PBX1: variants seen among roughly 807,000 people sequenced by gnomAD.
PBX1 encodes the protein pre-B-cell leukemia transcription factor 1.
Under a neutral mutation model 53.4 loss-of-function variants are expected in PBX1, and 6 were observed. The ratio of observed to expected loss-of-function variants is 0.11; its 90% CI spans 0.06 to 0.22. The LOEUF (loss-of-function observed/expected upper bound fraction) is 0.22, where lower values mean the gene tolerates loss of function less well. Ranked by LOEUF, PBX1 falls within the 10% of genes least tolerant of loss-of-function variation. The probability of loss-of-function intolerance (pLI) is 1.00; values close to 1 mark genes in which losing one functional copy is unlikely to be tolerated. For synonymous variants in PBX1, 204 were observed against 212.3 expected (o/e 0.96, Z 0.34); for missense variants, 251 against 551.4 (o/e 0.46, Z 5.46).
intron 2 of PBX1, among the ~76,000 whole-genome samples, chr1:164,736,543 T>C (rs1167270529): frequency 6.6e-6 from 1 of 152,034 alleles, no homozygotes; most frequent in Non-Finnish European, 1.5e-5. Context: ...CTCTGTTATT[T>C]GAATAAAGAA....
intron 5 of PBX1, among the ~76,000 whole-genome samples, chr1:164,808,403 T>C (rs2102338089): frequency 6.6e-6 from 1 of 152,346 alleles, no homozygotes; most frequent in Middle Eastern, 3.4e-3. Context: ...AACTTCTTAT[T>C]CAGTCTGAAC....
intron 2 of PBX1, among the ~76,000 whole-genome samples, chr1:164,723,478 G>A (rs573748858): frequency 1.3e-5 from 2 of 152,246 alleles, no homozygotes; most frequent in South Asian, 2.1e-4. Context: ...CAGGGGTGGC[G>A]GGCATATGAA....
Position 164,744,934 on chromosome 1 carries a change from C to T in PBX1, c.266-47560C>T, listed in dbSNP as rs1198389137. On this transcript the variant is annotated intron_variant, in intron 2 of 8. Coordinates refer to ENST00000420696, the MANE Select transcript of PBX1 (RefSeq NM_002585.4). ...AGGGATTGCGTCTTGGTTGATTGCC[C>T]GTCACCTGCCAGACTCTAAGCCATG... 8.5e-5 allele frequency among the ~76,000 whole-genome samples: 13 copies of T among 152,186 alleles called. 1 individual carries two copies. The South Asian group carries it at 1.9e-3, about 22-fold the overall frequency.
intron 2 of PBX1, among the ~76,000 whole-genome samples, chr1:164,776,935 G>GTGT (rs58061173): frequency 3.1e-5 from 3 of 98,312 alleles, no homozygotes; most frequent in Non-Finnish European, 4.4e-5. Context: ...GTGTGTGTGT[G>GTGT]GTGGGAGGAG....
At chr1:164,637,480 T>C (rs745605004) in intron 2 of PBX1, among the ~76,000 whole-genome samples, 16 of 152,198 alleles carry the variant, frequency 1.1e-4, no homozygotes, top group African/African-American at 3.9e-4. Flanking sequence ...ACTGGGATGC[T>C]AACTTCCTGT....
chr1:164,851,948 A>G (rs1213394083), downstream of PBX1: 1 of 154,126 alleles, frequency 6.5e-6, no homozygotes, highest in Non-Finnish European at 1.4e-5. Context: ...TGAAAAGTCT[A>G]CATACTATGG....
At chr1:164,701,518 T>C (rs1487225028) in intron 2 of PBX1, among the ~76,000 whole-genome samples, 1 of 152,242 alleles carries the variant, frequency 6.6e-6, no homozygotes, top group Non-Finnish European at 1.5e-5. Context: ...GCAAATTTGA[T>C]AGGAGTCTAG....
intron 2 of PBX1, among the ~76,000 whole-genome samples, chr1:164,785,197 C>T (rs1360824285): frequency 6.6e-6 from 1 of 152,194 alleles, no homozygotes; most frequent in Non-Finnish European, 1.5e-5. Flanking sequence ...TGACTGACAC[C>T]TATCAGTAAT....
At chr1:164,768,486 G>T (rs571267495) in intron 2 of PBX1, among the ~76,000 whole-genome samples, 2 of 152,220 alleles carry the variant, frequency 1.3e-5, no homozygotes, top group Non-Finnish European at 2.9e-5. Flanking sequence ...TGGAGGCTGA[G>T]CACTGCTTTA....
At chr1:164,750,145 G>GGTGTGTGTGT (rs10665357) in intron 2 of PBX1, among the ~76,000 whole-genome samples, 2,163 of 140,800 alleles carry the variant, frequency 0.015, 51 homozygotes, top group African/African-American at 0.052. Flanking sequence ...GGGGCTAGTT[G>GGTGTGTGTGT]GTGTGTGTGT....
intron 2 of PBX1, chr1:164,884,546 T>C: frequency 3.9e-6 from 2 of 511,172 alleles, no homozygotes; most frequent in Non-Finnish European, 7.6e-6. Flanking sequence ...TACCAGGAAA[T>C]TGCAAGAACC....
intron 2 of PBX1, among the ~76,000 whole-genome samples, chr1:164,644,313 T>C (rs1659320703): frequency 6.6e-6 from 1 of 152,210 alleles, no homozygotes; most frequent in Non-Finnish European, 1.5e-5. Context: ...ACATTACCTA[T>C]CTAGTCTATA....
rs183087822 is a variant in PBX1 at position 164,797,689 on chromosome 1, G to A, written c.511-2010G>A. ...CTCTGGAGAAGTTTACCCAGTTATC[G>A]ATATATCCAAATATGCTGGGATTTC... On this transcript the variant is annotated intron_variant, in intron 3 of 8. Coordinates refer to ENST00000420696, the MANE Select transcript of PBX1 (RefSeq NM_002585.4). Among the ~76,000 whole-genome samples, 493 of 152,176 alleles carry A rather than the reference G, an allele frequency of 3.2e-3. 4 individuals carry two copies. The highest frequency in any genetic ancestry group is 0.013 in the Admixed American group (199 of 15,282).
chr1:164,880,201 C>A (rs1490943039), intron 2 of PBX1, among the ~76,000 whole-genome samples: 1 of 152,186 alleles, frequency 6.6e-6, no homozygotes, highest in Non-Finnish European at 1.5e-5. Flanking sequence ...CGTCAACAAG[C>A]ACATGTTGGG....
intron 4 of PBX1, among the ~76,000 whole-genome samples, chr1:164,807,297 A>G (rs1175034375): frequency 6.6e-6 from 1 of 151,782 alleles, no homozygotes; most frequent in Admixed American, 6.6e-5. Flanking sequence ...GAAACTTTAT[A>G]CTCCTCACTA....
At chr1:164,617,759 A>G (rs908875566) in intron 2 of PBX1, among the ~76,000 whole-genome samples, 4 of 152,210 alleles carry the variant, frequency 2.6e-5, no homozygotes, top group Non-Finnish European at 5.9e-5. Flanking sequence ...TTAAATCCCT[A>G]TAGTAGTCTT....
chr1:164,573,528 G>C (rs1285083919), intron 2 of PBX1, among the ~76,000 whole-genome samples: 1 of 119,046 alleles, frequency 8.4e-6, no homozygotes, highest in Non-Finnish European at 1.6e-5. Flanking sequence ...GTCTCTCTCT[G>C]TCATCCAGGC....
chr1:164,812,170 G>T (rs747594159), intron 6 of PBX1, 21 bp downstream of exon 6: 6 of 1,596,188 alleles, frequency 3.8e-6, no homozygotes, highest in Non-Finnish European at 5.1e-6. Flanking sequence ...TCTTTGATTG[G>T]GGGTGGGGGA....
Position 164,568,927 on chromosome 1 carries a change from G to T in PBX1, c.265+5616G>T, listed in dbSNP as rs1446031091. Among the ~76,000 whole-genome samples the T allele has an allele frequency of 2.6e-5, 4 of 152,300 alleles. No individual in the cohort carries two copies. In the East Asian group the frequency reaches 7.7e-4, roughly 29 times the overall value. On this transcript the variant is annotated intron_variant, in intron 2 of 8. Coordinates refer to ENST00000420696, the MANE Select transcript of PBX1 (RefSeq NM_002585.4). ...AAGGTCAATAGTGTCTTACCCGAAG[G>T]TCTTCTTACCTCTAACAGCTCTCTT...
Sources: gnomAD v4.1 joint callset for allele counts (sites outside exome capture counted in the v4.1 genomes callset) on GRCh38, gnomAD v4.1.1 for gene constraint, MANE v1.5 for transcripts, NCBI Gene and HGNC (gene_info 2026-07-23, HGNC 2026-07-21) for gene names.